ALDH1A2: variants seen among roughly 807,000 people sequenced by gnomAD.
ALDH1A2 encodes the protein retinal dehydrogenase 2.
Under a neutral mutation model 60.3 loss-of-function variants are expected in ALDH1A2, and 27 were observed. The observed-to-expected ratio is 0.45, with a 90% CI of 0.33 to 0.62. The LOEUF (loss-of-function observed/expected upper bound fraction) is 0.62. Ranked by LOEUF, ALDH1A2 falls within the 20% of genes least tolerant of loss-of-function variation. The pLI, the probability that ALDH1A2 is intolerant of heterozygous loss-of-function variation, is 0.02. For synonymous variants in ALDH1A2, 289 were observed against 232.4 expected (o/e 1.24, Z -2.21); for missense variants, 581 against 643.8 (o/e 0.90, Z 1.06).
chr15:58,024,283 G>A (rs371276111), intron 1 of ALDH1A2, among the ~76,000 whole-genome samples: 21 of 152,172 alleles, frequency 1.4e-4, no homozygotes, highest in African/African-American at 5.1e-4. Context: ...TATAATGGCT[G>A]AATGGATTTT....
At chr15:58,050,564 A>C (rs2140569036) in intron 1 of ALDH1A2, among the ~76,000 whole-genome samples, 1 of 152,276 alleles carries the variant, frequency 6.6e-6, no homozygotes, top group Admixed American at 6.5e-5. Flanking sequence ...ATGTGTTCCA[A>C]GAATGGTAAG....
chr15:58,064,668 C>T (rs977752907), intron 1 of ALDH1A2, among the ~76,000 whole-genome samples: 2 of 152,170 alleles, frequency 1.3e-5, no homozygotes, highest in African/African-American at 4.8e-5. Context: ...AATCCCATCT[C>T]TCTCTCACCA....
intron 12 of ALDH1A2, among the ~76,000 whole-genome samples, chr15:57,955,738 T>C (rs1348590821): frequency 7.8e-6 from 1 of 127,572 alleles, no homozygotes; most frequent in Non-Finnish European, 1.8e-5. Flanking sequence ...TTTGGGACAG[T>C]AGTGTGCTTT....
At chr15:58,065,153 G>C (rs1411211678) in intron 1 of ALDH1A2, 1 of 293,774 alleles carries the variant, frequency 3.4e-6, no homozygotes, top group South Asian at 2.9e-5. Flanking sequence ...CGACGGCCAG[G>C]CTGCGTGGCC....
At chr15:58,043,171 A>G (rs1896559465) in intron 1 of ALDH1A2, among the ~76,000 whole-genome samples, 2 of 151,902 alleles carry the variant, frequency 1.3e-5, no homozygotes, top group African/African-American at 4.8e-5. Flanking sequence ...AAGGAAGGCT[A>G]ACCATGGCAC....
intron 7 of ALDH1A2, chr15:57,980,048 G>T: frequency 3.1e-6 from 1 of 324,826 alleles, no homozygotes; most frequent in Non-Finnish European, 6.3e-6. Context: ...TGGTCCATGG[G>T]GGGGCAGGAT....
intron 1 of ALDH1A2, among the ~76,000 whole-genome samples, chr15:58,037,816 A>T (rs1445989925): frequency 6.6e-6 from 1 of 151,762 alleles, no homozygotes; most frequent in East Asian, 1.9e-4. Context: ...TAAAGATAAG[A>T]GGTCCCTGGC....
chr15:58,016,988 C>G (rs1192645112), intron 1 of ALDH1A2, among the ~76,000 whole-genome samples: 2 of 152,072 alleles, frequency 1.3e-5, no homozygotes, highest in African/African-American at 4.8e-5. Flanking sequence ...AAAGATATTT[C>G]ACAATAATTA....
chr15:58,023,276 C>G (rs1355481778), intron 1 of ALDH1A2, among the ~76,000 whole-genome samples: 1 of 151,974 alleles, frequency 6.6e-6, no homozygotes, highest in Admixed American at 6.5e-5. Context: ...TCCAGTAAAA[C>G]AAAACAAAGA....
chr15:58,000,042 T>G (rs1284610115), intron 4 of ALDH1A2, among the ~76,000 whole-genome samples: 1 of 151,660 alleles, frequency 6.6e-6, no homozygotes, highest in African/African-American at 2.4e-5. Context: ...CAACAGACAT[T>G]GGCACCTTTC....
At chr15:58,002,352 C>T (rs1409373367) in intron 4 of ALDH1A2, among the ~76,000 whole-genome samples, 1 of 151,630 alleles carries the variant, frequency 6.6e-6, no homozygotes, top group South Asian at 2.1e-4. Context: ...TTGATGGGGC[C>T]TTATCAAACT....
chr15:58,018,480 C>T (rs1220739688), intron 1 of ALDH1A2, among the ~76,000 whole-genome samples: 1 of 151,992 alleles, frequency 6.6e-6, no homozygotes, highest in Non-Finnish European at 1.5e-5. Flanking sequence ...TAAAAATCAT[C>T]ACTAGATAGT....
chr15:57,993,905 T>C (rs1566941674), intron 5 of ALDH1A2, among the ~76,000 whole-genome samples: 1 of 152,212 alleles, frequency 6.6e-6, no homozygotes, highest in Non-Finnish European at 1.5e-5. Context: ...TCTCACTGGC[T>C]CTGGCAAGCT....
rs570036918 is a variant in ALDH1A2 at position 58,022,074 on chromosome 15, C to T, written c.118-7793G>A. 2.0e-3 allele frequency among the ~76,000 whole-genome samples: 307 copies of T among 152,322 alleles called. 1 individual carries two copies. The highest frequency in any genetic ancestry group is 7.0e-3 in the African/African-American group (293 of 41,564). On this transcript the variant is annotated intron_variant, in intron 1 of 12. Coordinates refer to ENST00000249750, the MANE Select transcript of ALDH1A2 (RefSeq NM_003888.4). ...CAGTGGCAGGGCCTCAATGCAGCTG[C>T]TACTGCCCCTCACTCAAGCACTCTG... is the stretch of plus-strand genomic sequence containing the variant.
At chr15:57,975,103 A>G (rs1181297555) in intron 7 of ALDH1A2, among the ~76,000 whole-genome samples, 1 of 152,254 alleles carries the variant, frequency 6.6e-6, no homozygotes, top group African/African-American at 2.4e-5. Flanking sequence ...AAAGTCTTAA[A>G]CATTGCTGGT....
chr15:57,978,320 C>G (rs1894346944), intron 7 of ALDH1A2, among the ~76,000 whole-genome samples: 1 of 152,114 alleles, frequency 6.6e-6, no homozygotes. Context: ...TACGATGTTG[C>G]CTGTGGGTTT....
intron 1 of ALDH1A2, among the ~76,000 whole-genome samples, chr15:58,044,553 G>C (rs1391220241): frequency 6.6e-6 from 1 of 151,962 alleles, no homozygotes; most frequent in Non-Finnish European, 1.5e-5. Context: ...ATATGTTAGG[G>C]AAACTGTTGA....
intron 7 of ALDH1A2, among the ~76,000 whole-genome samples, chr15:57,976,654 C>T (rs1294145671): frequency 6.6e-6 from 1 of 152,178 alleles, no homozygotes; most frequent in Non-Finnish European, 1.5e-5. Flanking sequence ...TTTCTTTATC[C>T]AGTCTATCAT....
chr15:57,982,928 G>A (rs1351594212), intron 7 of ALDH1A2, among the ~76,000 whole-genome samples: 1 of 152,050 alleles, frequency 6.6e-6, no homozygotes, highest in Non-Finnish European at 1.5e-5. Context: ...AAGAGTTAAC[G>A]ACCCTAGGAA....
Sources: allele counts gnomAD v4.1 joint callset (sites outside exome capture counted in the v4.1 genomes callset), GRCh38; gene constraint gnomAD v4.1.1; transcripts MANE v1.5; gene names NCBI Gene and HGNC (gene_info 2026-07-23, HGNC 2026-07-21).